CCBE1: variants seen among roughly 807,000 people sequenced by gnomAD.
The protein encoded by CCBE1 is collagen and calcium-binding EGF domain-containing protein 1.
A neutral mutation model predicts 50.0 loss-of-function variants in CCBE1; 37 were observed. The ratio of observed to expected loss-of-function variants is 0.74; its 90% confidence interval spans 0.57 to 0.97. The LOEUF is 0.97. Ranked by LOEUF, CCBE1 falls within the 50% of genes least tolerant of loss-of-function variation. The pLI is 0.00. For synonymous variants in CCBE1, 234 were observed against 203.7 expected (o/e 1.15, Z -1.27); for missense variants, 538 against 523.8 (o/e 1.03, Z -0.26).
At chr18:59,587,045 C>T (rs1050295534) in intron 2 of CCBE1, among the ~76,000 whole-genome samples, 10 of 152,076 alleles carry the variant, frequency 6.6e-5, no homozygotes, top group Admixed American at 1.3e-4. Context: ...ATATTCATTT[C>T]GTTAGGAAGA....
chr18:59,551,010 AAAAAAAAAAAAAAAAAAAAG>A (rs1299067668), intron 2 of CCBE1, among the ~76,000 whole-genome samples: 14 of 26,368 alleles, frequency 5.3e-4, no homozygotes, highest in African/African-American at 1.5e-3. Context: ...AAAAAAAAAA[AAAAAAAAAAAAAAAAAAAAG>A]AAAAGAAAAG....
At chr18:59,568,654 A>T (rs1409702328) in intron 2 of CCBE1, 2 of 152,220 alleles carry the variant, frequency 1.3e-5, no homozygotes, top group East Asian at 3.8e-4. Flanking sequence ...GACCAAAAAC[A>T]GTGCACGCTG....
chr18:59,570,752 G>A (rs1166552008), intron 2 of CCBE1, among the ~76,000 whole-genome samples: 1 of 152,164 alleles, frequency 6.6e-6, no homozygotes, highest in Non-Finnish European at 1.5e-5. Context: ...TGTGTGTGAG[G>A]TTTTCAGAAA....
intron 2 of CCBE1, among the ~76,000 whole-genome samples, chr18:59,555,330 C>T (rs72964852): frequency 0.081 from 12,380 of 152,198 alleles, 520 homozygotes; most frequent in Admixed American, 0.11. Context: ...TTAATAGATA[C>T]ATTATAGTCA....
intron 2 of CCBE1, among the ~76,000 whole-genome samples, chr18:59,531,670 G>A (rs142877804): frequency 8.5e-4 from 129 of 152,300 alleles, no homozygotes; most frequent in African/African-American, 3.1e-3. Context: ...CTTGAGCCCA[G>A]GAAGTTGAGG....
chr18:59,544,668 G>A (rs914592836), intron 2 of CCBE1, among the ~76,000 whole-genome samples: 1 of 152,134 alleles, frequency 6.6e-6, no homozygotes, highest in African/African-American at 2.4e-5. Context: ...AAGGAGATGA[G>A]GGAAAGAGGG....
chr18:59,447,096 G>T (rs546001952), intron 7 of CCBE1, among the ~76,000 whole-genome samples: 17 of 152,000 alleles, frequency 1.1e-4, no homozygotes, highest in African/African-American at 3.4e-4. Context: ...AGGATGTTCG[G>T]GATTTTCATC....
intron 2 of CCBE1, among the ~76,000 whole-genome samples, chr18:59,531,274 CA>C (rs34027249): frequency 0.61 from 92,920 of 151,788 alleles, 28,954 homozygotes; most frequent in African/African-American, 0.7. Flanking sequence ...ATCAATACCC[CA>C]AGCCAGTGTG....
chr18:59,669,214 C>T (rs143529918), intron 2 of CCBE1, among the ~76,000 whole-genome samples: 44 of 152,256 alleles, frequency 2.9e-4, no homozygotes, highest in Middle Eastern at 3.4e-3. Context: ...CAGTATCCTC[C>T]GCCAGCCTTC....
chr18:59,632,136 A>T (rs1196913993), intron 2 of CCBE1, among the ~76,000 whole-genome samples: 1 of 152,322 alleles, frequency 6.6e-6, no homozygotes, highest in Non-Finnish European at 1.5e-5. Flanking sequence ...CCACAGTCTC[A>T]GTGTTGGAGT....
At chr18:59,601,272 A>T (rs528800843) in intron 2 of CCBE1, among the ~76,000 whole-genome samples, 35 of 151,838 alleles carry the variant, frequency 2.3e-4, no homozygotes, top group Non-Finnish European at 3.7e-4. Flanking sequence ...CTTGAATTGT[A>T]GCTCCCATAA....
At chr18:59,476,502 C>G (rs1279864406) in intron 3 of CCBE1, among the ~76,000 whole-genome samples, 1 of 152,206 alleles carries the variant, frequency 6.6e-6, no homozygotes, top group African/African-American at 2.4e-5. Flanking sequence ...TTGTAGATCT[C>G]TTTTGCAACT....
chr18:59,556,805 A>G (rs2052663583), intron 2 of CCBE1, among the ~76,000 whole-genome samples: 1 of 152,232 alleles, frequency 6.6e-6, no homozygotes. Flanking sequence ...AGTCAATTTT[A>G]TGAATAGTTT....
chr18:59,493,447 G>C (rs917006495), intron 2 of CCBE1, among the ~76,000 whole-genome samples: 1 of 152,010 alleles, frequency 6.6e-6, no homozygotes, highest in Admixed American at 6.6e-5. Flanking sequence ...TTTCTATTCC[G>C]ATCAGTTAAA....
chr18:59,542,949 A>C (rs550037330), intron 2 of CCBE1, among the ~76,000 whole-genome samples: 1 of 152,314 alleles, frequency 6.6e-6, no homozygotes, highest in South Asian at 2.1e-4. Flanking sequence ...TGATGCCTCC[A>C]AGATCTCGCC....
chr18:59,544,734 T>A (rs1260657706), intron 2 of CCBE1, among the ~76,000 whole-genome samples: 1 of 152,190 alleles, frequency 6.6e-6, no homozygotes, highest in Non-Finnish European at 1.5e-5. Flanking sequence ...GAAAGGGCAT[T>A]TTAAAAGGGC....
chr18:59,525,007 T>C (rs956897447), intron 2 of CCBE1, among the ~76,000 whole-genome samples: 2 of 152,218 alleles, frequency 1.3e-5, no homozygotes, highest in Non-Finnish European at 2.9e-5. Context: ...TCTGTGTCTT[T>C]GCTATTGTGA....
chr18:59,464,068 G>C lies in CCBE1; in HGVS notation c.553+2671C>G, dbSNP rs991257942. 2.0e-5 allele frequency: 3 copies of C among 152,174 alleles called. No homozygotes were observed. The East Asian group carries it at 5.8e-4, about 29-fold the overall frequency. 9.4% of individuals were successfully genotyped at this position (152,174 alleles called of 1,614,324 possible). A position where few individuals can be genotyped will look rare whatever the true frequency, so the allele number is the denominator to read the frequency against. The stretch of plus-strand genomic sequence containing the variant: ...TTCAGTAAAGGACATCATCTATGAG[G>C]TAAGTTACACTTGCCTGCCCCTCCC... On this transcript the variant is annotated intron_variant, in intron 5 of 10. Coordinates refer to ENST00000439986, the MANE Select transcript of CCBE1 (RefSeq NM_133459.4).
chr18:59,531,461 G>A (rs1156932889), intron 2 of CCBE1, among the ~76,000 whole-genome samples: 1 of 151,986 alleles, frequency 6.6e-6, no homozygotes, highest in African/African-American at 2.4e-5. Flanking sequence ...TTGTCCCCAG[G>A]AACAAAAATT....
Sources: allele counts gnomAD v4.1 joint callset (sites outside exome capture counted in the v4.1 genomes callset), GRCh38; gene constraint gnomAD v4.1.1; transcripts MANE v1.5; gene names NCBI Gene and HGNC (gene_info 2026-07-23, HGNC 2026-07-21).